Variants in MAGI2 observed in about 807,000 individuals in gnomAD.
MAGI2 encodes membrane associated guanylate kinase, WW and PDZ domain containing 2, also known as membrane-associated guanylate kinase, WW and PDZ domain-containing protein 2.
A neutral mutation model predicts 133.3 loss-of-function variants in MAGI2; 35 were observed. The observed-to-expected ratio is 0.26, with a 90% confidence interval of 0.20 to 0.35. The LOEUF is 0.35. Ranked by LOEUF, MAGI2 falls within the 10% of genes least tolerant of loss-of-function variation. The pLI is 1.00. For missense variants in MAGI2, 1,636 were observed against 1,863.4 expected (o/e 0.88, Z 2.25); for synonymous variants, 729 against 710.6 (o/e 1.03, Z -0.41).
chr7:78,073,425 C>G (rs1390447877), intron 21 of MAGI2, among the ~76,000 whole-genome samples: 1 of 151,634 alleles, frequency 6.6e-6, no homozygotes, highest in Non-Finnish European at 1.5e-5. Flanking sequence ...ACCGAGACTC[C>G]CACTTACAAC....
intron 9 of MAGI2, among the ~76,000 whole-genome samples, chr7:78,312,073 AT>A (rs1371081281): frequency 1.3e-5 from 2 of 152,082 alleles, no homozygotes; most frequent in African/African-American, 4.8e-5. Context: ...CTGGTGACAA[AT>A]TCTTAATCTG....
intron 6 of MAGI2, among the ~76,000 whole-genome samples, chr7:78,418,952 G>T (rs1344945757): frequency 6.6e-6 from 1 of 152,090 alleles, no homozygotes; most frequent in African/African-American, 2.4e-5. Context: ...TTGCAATAAG[G>T]AGGAGGTCAG....
intron 2 of MAGI2, among the ~76,000 whole-genome samples, chr7:78,766,745 G>A (rs1435058491): frequency 6.6e-6 from 1 of 152,098 alleles, no homozygotes; most frequent in African/African-American, 2.4e-5. Flanking sequence ...TGTATTCTTA[G>A]TGTGCCTAGG....
intron 6 of MAGI2, among the ~76,000 whole-genome samples, chr7:78,444,910 T>C (rs1037628708): frequency 6.7e-6 from 1 of 149,110 alleles, no homozygotes; most frequent in Non-Finnish European, 1.5e-5. Flanking sequence ...TATATACAAA[T>C]ATATATGTAA....
intron 6 of MAGI2, among the ~76,000 whole-genome samples, chr7:78,454,213 T>A (rs1789054109): frequency 1.3e-5 from 2 of 152,042 alleles, no homozygotes; most frequent in Admixed American, 1.3e-4. Flanking sequence ...CCTCAAGGTG[T>A]TTTTGGTTTT....
chr7:79,268,409 C>T (rs945136768), intron 1 of MAGI2, among the ~76,000 whole-genome samples: 17 of 152,150 alleles, frequency 1.1e-4, no homozygotes, highest in East Asian at 5.8e-4. Context: ...AAGGCATTGA[C>T]GATGTATTAA....
chr7:78,093,376 C>T (rs1351575506), intron 20 of MAGI2, among the ~76,000 whole-genome samples: 1 of 151,806 alleles, frequency 6.6e-6, no homozygotes, highest in African/African-American at 2.4e-5. Context: ...ATTGCTTGAA[C>T]CTGGGAGGTG....
At chr7:79,356,066 C>G (rs1841998847) in intron 1 of MAGI2, among the ~76,000 whole-genome samples, 1 of 152,108 alleles carries the variant, frequency 6.6e-6, no homozygotes, top group Admixed American at 6.5e-5. Context: ...CAGCATCCAT[C>G]TTGCTTAAAG....
chr7:79,367,817 C>T (rs911460086), intron 1 of MAGI2, among the ~76,000 whole-genome samples: 1 of 121,136 alleles, frequency 8.3e-6, no homozygotes, highest in African/African-American at 3.5e-5. Flanking sequence ...ATTTGGAATA[C>T]TCTTCCCCAT....
chr7:78,045,535 C>T (rs958880818), intron 21 of MAGI2, among the ~76,000 whole-genome samples: 1 of 144,910 alleles, frequency 6.9e-6, no homozygotes, highest in Non-Finnish European at 1.5e-5. Flanking sequence ...GAATTACATA[C>T]TGAGCGATAT....
At chr7:79,241,836 C>T (rs1473095509) in intron 1 of MAGI2, among the ~76,000 whole-genome samples, 2 of 152,182 alleles carry the variant, frequency 1.3e-5, no homozygotes, top group African/African-American at 4.8e-5. Context: ...GACTGACTGA[C>T]TCCACCTGGA....
chr7:79,212,232 G>T lies in MAGI2; in HGVS notation c.302-205026C>A, dbSNP rs1015530070. ...GTAGTTGCTATAGAGTATTCCATGGGATGCATTTAATTGAGCCATTTCCTC... is the reference window on the plus strand; with the variant it reads ...GTAGTTGCTATAGAGTATTCCATGGTATGCATTTAATTGAGCCATTTCCTC... On this transcript the variant is annotated intron_variant, in intron 1 of 21. Coordinates refer to ENST00000354212, the MANE Select transcript of MAGI2 (RefSeq NM_012301.4). 3.9e-5 allele frequency among the ~76,000 whole-genome samples: 6 copies of T among 151,984 alleles called. 1 individual carries two copies. Among genetic ancestry groups the T allele is most frequent in the African/African-American group, 1.5e-4 (6 of 41,300 alleles).
chr7:79,388,835 G>A (rs1844389651), intron 1 of MAGI2, among the ~76,000 whole-genome samples: 1 of 134,578 alleles, frequency 7.4e-6, no homozygotes, highest in Non-Finnish European at 1.6e-5. Context: ...CCACATATAT[G>A]TAGTCATTAA....
rs533385596 is a variant in MAGI2 at position 78,680,307 on chromosome 7, T to C, written c.419-53068A>G. Among the ~76,000 whole-genome samples the C allele has an allele frequency of 5.9e-5, 9 of 152,300 alleles. No homozygotes were observed. In the East Asian group the frequency reaches 1.5e-3, roughly 26 times the overall value. On this transcript the variant is annotated intron_variant, in intron 2 of 21. Coordinates refer to ENST00000354212, the MANE Select transcript of MAGI2 (RefSeq NM_012301.4). ...ATATTATTTGGGTATATAAAGCATG[T>C]ATTGAAATGGAGTATAATGAGTTAT... is the stretch of plus-strand genomic sequence containing the variant.
chr7:79,109,111 G>T (rs1325926686), intron 1 of MAGI2, among the ~76,000 whole-genome samples: 1 of 152,142 alleles, frequency 6.6e-6, no homozygotes, highest in Non-Finnish European at 1.5e-5. Flanking sequence ...TGCAAGAATG[G>T]CCTAATACAG....
chr7:78,635,662 GA>G (rs1265393661), intron 2 of MAGI2, among the ~76,000 whole-genome samples: 1 of 152,104 alleles, frequency 6.6e-6, no homozygotes, highest in Non-Finnish European at 1.5e-5. Flanking sequence ...CTGCAAGCTG[GA>G]AAAAATAGAT....
chr7:79,228,123 C>A (rs1181206866), intron 1 of MAGI2, among the ~76,000 whole-genome samples: 2 of 151,722 alleles, frequency 1.3e-5, no homozygotes, highest in Non-Finnish European at 2.9e-5. Context: ...GGTGGGAGAT[C>A]ACTTGAGGCC....
chr7:78,299,582 T>G (rs578003576), intron 9 of MAGI2, among the ~76,000 whole-genome samples: 18 of 152,264 alleles, frequency 1.2e-4, no homozygotes, highest in East Asian at 5.8e-4. Context: ...TGATTTTTTT[T>G]GGGGTTGCCA....
chr7:78,666,115 G>A (rs984577159), intron 2 of MAGI2, among the ~76,000 whole-genome samples: 5 of 152,074 alleles, frequency 3.3e-5, no homozygotes, highest in East Asian at 1.9e-4. Context: ...GCTATCCAAC[G>A]TAAGTCTCAA....
Sources: allele counts gnomAD v4.1 joint callset (sites outside exome capture counted in the v4.1 genomes callset), GRCh38; gene constraint gnomAD v4.1.1; transcripts MANE v1.5; gene names NCBI Gene and HGNC (gene_info 2026-07-23, HGNC 2026-07-21).